KSR2: variants seen among roughly 807,000 people sequenced by gnomAD.
KSR2 encodes the protein kinase suppressor of ras 2.
A neutral mutation model predicts 107.8 loss-of-function variants in KSR2; 25 were observed. The ratio of observed to expected loss-of-function variants is 0.23; its 90% CI spans 0.17 to 0.32. KSR2 has a LOEUF of 0.32. KSR2 is among the 10% of genes least tolerant of loss of function. KSR2 has a pLI of 1.00. For missense variants in KSR2, 887 were observed against 1,268.9 expected, an observed-to-expected ratio of 0.70 and a Z score of 4.57; for synonymous variants, 480 against 507.0, an observed-to-expected ratio of 0.95 and a Z score of 0.71.
intron 3 of KSR2, among the ~76,000 whole-genome samples, chr12:117,798,275 G>C (rs1890704528): frequency 6.6e-6 from 1 of 152,162 alleles, no homozygotes; most frequent in South Asian, 2.1e-4. Flanking sequence ...CTTCTGCCTG[G>C]ACTGGTTCCT....
intron 1 of KSR2, 43 bp downstream of exon 1, chr12:117,968,028 GCTTTT>G: frequency 9.4e-7 from 1 of 1,059,932 alleles, no homozygotes; most frequent in Non-Finnish European, 1.3e-6. Context: ...AAGAAGGATT[GCTTTT>G]TTTTTTTTTT....
At chr12:117,626,613 C>G (rs559280602) in intron 5 of KSR2, among the ~76,000 whole-genome samples, 1 of 152,146 alleles carries the variant, frequency 6.6e-6, no homozygotes, top group South Asian at 2.1e-4. Context: ...CTAAGGAGTG[C>G]TTTACTTCCA....
At chr12:117,523,565 G>C (rs73403393) in intron 14 of KSR2, among the ~76,000 whole-genome samples, 1 of 152,142 alleles carries the variant, frequency 6.6e-6, no homozygotes, top group Admixed American at 6.5e-5. Flanking sequence ...AAACATTTTC[G>C]CAATGTTAGT....
At chr12:117,739,393 G>A (rs1888085954) in intron 4 of KSR2, among the ~76,000 whole-genome samples, 1 of 152,092 alleles carries the variant, frequency 6.6e-6, no homozygotes, top group Non-Finnish European at 1.5e-5. Flanking sequence ...TAAAGTAATT[G>A]CACTACAATG....
intron 5 of KSR2, among the ~76,000 whole-genome samples, chr12:117,653,905 C>T (rs1884008114): frequency 6.6e-6 from 1 of 152,172 alleles, no homozygotes; most frequent in Non-Finnish European, 1.5e-5. Context: ...TGCTCTGCCA[C>T]TTGGGCCATA....
At chr12:117,726,078 G>A (rs1166488194) in intron 4 of KSR2, among the ~76,000 whole-genome samples, 1 of 152,132 alleles carries the variant, frequency 6.6e-6, no homozygotes, top group Admixed American at 6.5e-5. Context: ...TGAGGCAGGA[G>A]AATCGCTTGA....
intron 3 of KSR2, among the ~76,000 whole-genome samples, chr12:117,793,151 A>G (rs1221347907): frequency 7.2e-6 from 1 of 139,034 alleles, no homozygotes; most frequent in Middle Eastern, 4.3e-3. Flanking sequence ...TGCATATACC[A>G]ATATGCACGC....
At position 117,531,696 on chromosome 12, in the gene KSR2, A is replaced by C; in HGVS notation, c.1699T>G (p.Tyr567Asp). The C allele has an allele frequency of 6.2e-7, 1 of 1,600,188 alleles. No individual in the cohort carries two copies. Among genetic ancestry groups the C allele is most frequent in the Non-Finnish European group, 8.5e-7 (1 of 1,174,602 alleles). Residue 567 changes from tyrosine to aspartate, a missense_variant, in exon 11 of 20, where the codon TAC (tyrosine) becomes GAC (aspartate). Tyr to Asp is a radical substitution (Grantham distance 160, BLOSUM62 -3). Coordinates refer to ENST00000339824, the MANE Select transcript of KSR2 (RefSeq NM_173598.6). ...KNFNLPASHY[Y>D]KYKQQFIFPD... ...AAGATGAACTGCTGCTTGTATTTGT[A>C]GTAGTGGGATGCTTGCAAAAGAAAG...
chr12:117,947,225 G>A lies in KSR2; in HGVS notation c.180+20851C>T, dbSNP rs1300247563. The stretch of plus-strand genomic sequence containing the variant: ...GAAAGAAAAGAAAGAAAGAAAGAAA[G>A]AAAGAAAGAAAGAAAGAAAGAAAGA... On this transcript the variant is annotated intron_variant, in intron 1 of 19. Coordinates refer to ENST00000339824, the MANE Select transcript of KSR2 (RefSeq NM_173598.6). Among the ~76,000 whole-genome samples the A allele has an allele frequency of 9.7e-5, 11 of 113,390 alleles. 1 individual carries two copies. Among genetic ancestry groups the A allele is most frequent in the African/African-American group, 4.3e-4 (11 of 25,800 alleles). The allele number at this position is 113,390 out of a possible 152,430, so 74.4% of individuals were successfully genotyped here. A position where few individuals can be genotyped will look rare whatever the true frequency, so the allele number is the denominator to read the frequency against.
chr12:117,566,923 C>T lies in KSR2; in HGVS notation c.1326-8350G>A, dbSNP rs1249919189. 5.9e-5 allele frequency among the ~76,000 whole-genome samples: 9 copies of T among 152,118 alleles called. No homozygotes were observed. The East Asian group carries it at 1.7e-3, about 29-fold the overall frequency. ...ATAAATGAGCCCAGCTGGATTTGAACCAGATTTGGGGAGCTTATATTGTCA... is the reference window on the plus strand; with the variant it reads ...ATAAATGAGCCCAGCTGGATTTGAATCAGATTTGGGGAGCTTATATTGTCA... On this transcript the variant is annotated intron_variant, in intron 7 of 19. Transcript: ENST00000339824.
intron 5 of KSR2, among the ~76,000 whole-genome samples, chr12:117,592,522 G>A (rs952627754): frequency 6.6e-6 from 1 of 152,132 alleles, no homozygotes; most frequent in Non-Finnish European, 1.5e-5. Context: ...TGTGGACAGT[G>A]ATAACATCCC....
At position 117,837,975 on chromosome 12, in the gene KSR2, C is replaced by G. The variant is rs538790347; in HGVS notation, c.472+17453G>C. The stretch of plus-strand genomic sequence containing the variant: ...TAGGGCAACCCCACATTTCTGAATC[C>G]CATCAGGATGGTGGTCACACTCACC... On this transcript the variant is annotated intron_variant, in intron 3 of 19. Coordinates refer to ENST00000339824, the MANE Select transcript of KSR2 (RefSeq NM_173598.6). Among the ~76,000 whole-genome samples the G allele has an allele frequency of 3.3e-5, 5 of 151,356 alleles. No homozygotes were observed. In the East Asian group the frequency reaches 9.8e-4, roughly 30 times the overall value.
chr12:117,832,386 TC>T (rs1456653289), intron 3 of KSR2, among the ~76,000 whole-genome samples: 1 of 152,086 alleles, frequency 6.6e-6, no homozygotes, highest in South Asian at 2.1e-4. Flanking sequence ...ACAGAGAAAT[TC>T]CCCCCTCTTC....
Position 117,461,469 on chromosome 12 carries a change from T to G in KSR2, c.*5730A>C, listed in dbSNP as rs1029155829. 2 of 152,234 alleles carry G rather than the reference T, an allele frequency of 1.3e-5. No homozygotes were observed. Among genetic ancestry groups the G allele is most frequent in the Non-Finnish European group, 2.9e-5 (2 of 68,072 alleles). The allele number at this position is 152,234 out of a possible 1,614,324, so 9.4% of individuals were successfully genotyped here. A position where few individuals can be genotyped will look rare whatever the true frequency, so the allele number is the denominator to read the frequency against. ...AAACATTTCTTGAGCACTTACTATG[T>G]GCCAGGCACTACTAAGACAAGTCCA... On this transcript the variant is annotated 3_prime_UTR_variant, in exon 20 of 20. Transcript: ENST00000339824.
chr12:117,491,635 T>A (rs1431071320), intron 14 of KSR2, among the ~76,000 whole-genome samples: 1 of 152,234 alleles, frequency 6.6e-6, no homozygotes, highest in African/African-American at 2.4e-5. Flanking sequence ...ATTCATCTGT[T>A]GATGGATTCG....
intron 3 of KSR2, among the ~76,000 whole-genome samples, chr12:117,783,571 GA>G (rs557947884): frequency 5.9e-5 from 9 of 151,966 alleles, no homozygotes; most frequent in East Asian, 1.9e-4. Context: ...AAAATTCTGG[GA>G]AAAAAAATGG....
intron 1 of KSR2, among the ~76,000 whole-genome samples, chr12:117,909,583 T>C (rs180865883): frequency 6.6e-6 from 1 of 152,244 alleles, no homozygotes; most frequent in East Asian, 1.9e-4. Flanking sequence ...GTCATATCTT[T>C]TTCCAATTCT....
At chr12:117,673,539 A>G (rs1023927219) in intron 4 of KSR2, among the ~76,000 whole-genome samples, 11 of 152,140 alleles carry the variant, frequency 7.2e-5, no homozygotes, top group Non-Finnish European at 1.6e-4. Context: ...GAATGGGAGT[A>G]AAAGAAAACG....
chr12:117,914,456 C>A (rs1039049852), intron 1 of KSR2, among the ~76,000 whole-genome samples: 14 of 147,980 alleles, frequency 9.5e-5, no homozygotes, highest in African/African-American at 3.2e-4. Context: ...CAAACAACAA[C>A]AACAAAAAGA....
Sources: allele counts gnomAD v4.1 joint callset (sites outside exome capture counted in the v4.1 genomes callset), GRCh38; gene constraint gnomAD v4.1.1; transcripts MANE v1.5; gene names NCBI Gene and HGNC (gene_info 2026-07-23, HGNC 2026-07-21).